Variants in NOL11 observed in about 807,000 individuals in gnomAD.
The protein encoded by NOL11 is nucleolar protein 11.
In NOL11, 42 loss-of-function variants were observed where a neutral mutation model predicts 93.0. The ratio of observed to expected loss-of-function variants is 0.45; its 90% CI spans 0.35 to 0.58. The LOEUF is 0.58. Among genes scored for constraint, NOL11 ranks in the 20% least tolerant of loss-of-function variants. The pLI is 0.00. For missense variants in NOL11, 775 were observed against 841.8 expected (o/e 0.92, Z 0.98); for synonymous variants, 296 against 293.7 (o/e 1.01, Z -0.08).
intron 7 of NOL11, among the ~76,000 whole-genome samples, chr17:67,728,066 CT>C (rs1278547644): frequency 6.6e-6 from 1 of 152,126 alleles, no homozygotes; most frequent in African/African-American, 2.4e-5. Context: ...CAAGACCATC[CT>C]GGCTAACATG....
In NOL11 at chr17:67,737,936, A is replaced by C; in HGVS notation, c.1493A>C (p.Glu498Ala). ...LCLQQFPDIP[E>A]SVTCACLKIF... is the part of the protein sequence containing the mutation. ...CTACAGCAGTTCCCTGACATTCCTG[A>C]ATCAGTCACCTGTGCTTGCTTAAAA... Residue 498 changes from glutamate (E) to alanine (A), a missense_variant, in exon 13 of 18, where the codon GAA becomes GCA. This residue lies in a region of NOL11 where 416 missense variants were observed against 525.2 expected (regional missense o/e 0.79). Transcript: ENST00000253247. 6.2e-7 allele frequency: 1 copy of C among 1,613,288 alleles called. No individual in the cohort carries two copies. Among genetic ancestry groups the C allele is most frequent in the Non-Finnish European group, 8.5e-7 (1 of 1,179,794 alleles).
At chr17:67,721,724 C>T (rs1344445939) in intron 4 of NOL11, among the ~76,000 whole-genome samples, 198 bp downstream of exon 4, 2 of 152,174 alleles carry the variant, frequency 1.3e-5, no homozygotes, top group Non-Finnish European at 2.9e-5. Flanking sequence ...CATATGAAGT[C>T]TTGACAGAAC....
intron 4 of NOL11, among the ~76,000 whole-genome samples, chr17:67,722,193 G>A (rs919454443): frequency 3.3e-5 from 5 of 152,188 alleles, no homozygotes. Context: ...GCCACAAACT[G>A]TGCAGCCAGT....
chr17:67,734,991 TTTGTC>T (rs1274312204), intron 8 of NOL11, among the ~76,000 whole-genome samples: 7 of 152,224 alleles, frequency 4.6e-5, no homozygotes, highest in Non-Finnish European at 8.8e-5. Context: ...GCTCTTTGGT[TTTGTC>T]TTTTTACTTA....
In NOL11 at chr17:67,731,048, C is replaced by T. The variant is rs557225207; in HGVS notation, c.854-3315C>T. Among the ~76,000 whole-genome samples, 29 of 152,280 alleles carry T rather than the reference C, an allele frequency of 1.9e-4. No individual in the cohort carries two copies. The South Asian group carries it at 6.0e-3, about 32-fold the overall frequency. On this transcript the variant is annotated intron_variant, in intron 7 of 17. Coordinates refer to ENST00000253247, the MANE Select transcript of NOL11 (RefSeq NM_015462.5). The stretch of plus-strand genomic sequence containing the variant: ...TGTGTTGAACATTTTTTCATATGCT[C>T]ATTGTCTATTTATATGTCTTCTTTG...
In NOL11 at chr17:67,736,038, C is replaced by G. The variant is rs984992388; in HGVS notation, c.1054+15C>G. The G allele has an allele frequency of 3.1e-6, 5 of 1,599,648 alleles. No individual in the cohort carries two copies. The highest frequency in any genetic ancestry group is 4.3e-6 in the Non-Finnish European group (5 of 1,174,852). ...TCAAGATCCAGGTAGAAACTTACTTCTGTTTGTTTTATTAATACAAACCGT... is the reference window on the plus strand; with the variant it reads ...TCAAGATCCAGGTAGAAACTTACTTGTGTTTGTTTTATTAATACAAACCGT... On this transcript the variant is annotated intron_variant, in intron 9 of 17. Coordinates refer to ENST00000253247, the MANE Select transcript of NOL11 (RefSeq NM_015462.5).
chr17:67,717,960 G>A lies in NOL11; in HGVS notation c.13G>A (p.Glu5Lys), dbSNP rs1174697703. 9 of 1,614,096 alleles carry A rather than the reference G, an allele frequency of 5.6e-6. No individual in the cohort carries two copies. In the East Asian group the frequency reaches 1.3e-4, roughly 24 times the overall value. MAAL[E>K]EEFTLSSVVL... Reference sequence around the variant, plus strand: ...AGGTTTGCTCAAAATGGCAGCGCTGGAGGAAGAATTCACGTTGTCTTCGGT... The same window carrying A: ...AGGTTTGCTCAAAATGGCAGCGCTGAAGGAAGAATTCACGTTGTCTTCGGT... The change falls in exon 1 of 18, where the codon GAG becomes AAG. Residue 5 changes from glutamate (E) to lysine (K), a missense_variant. Transcript: ENST00000253247.
At chr17:67,734,808 T>C (rs2055186763) in intron 8 of NOL11, among the ~76,000 whole-genome samples, 1 of 152,182 alleles carries the variant, frequency 6.6e-6, no homozygotes, top group South Asian at 2.1e-4. Context: ...CATAGTGTGA[T>C]CTCATCTCTG....
chr17:67,733,644 T>G (rs1486280928), intron 7 of NOL11, among the ~76,000 whole-genome samples: 3 of 152,340 alleles, frequency 2.0e-5, no homozygotes, highest in Non-Finnish European at 2.9e-5. Flanking sequence ...CCCTTTATCA[T>G]GTTAAGGAAG....
At chr17:67,718,531 C>T (rs2043193269) in intron 1 of NOL11, among the ~76,000 whole-genome samples, 2 of 152,030 alleles carry the variant, frequency 1.3e-5, no homozygotes, top group Admixed American at 1.3e-4. Context: ...GGGGCGGGGA[C>T]AATTTTAGAG....
At chr17:67,720,880 C>A (rs1210765743) in intron 3 of NOL11, among the ~76,000 whole-genome samples, 1 of 152,158 alleles carries the variant, frequency 6.6e-6, no homozygotes, top group African/African-American at 2.4e-5. Context: ...CTGTGCTGTT[C>A]CCTGGCTCCA....
At chr17:67,729,056 G>A (rs868561846) in intron 7 of NOL11, among the ~76,000 whole-genome samples, 4 of 151,148 alleles carry the variant, frequency 2.6e-5, no homozygotes, top group African/African-American at 9.7e-5. Context: ...AGTCACTGGT[G>A]TTCGTTGTGC....
Position 67,726,768 on chromosome 17 carries a change from A to C in NOL11, c.853+120A>C, listed in dbSNP as rs367844668. 5.5e-6 allele frequency: 4 copies of C among 732,564 alleles called. No individual in the cohort carries two copies. The African/African-American group carries it at 7.4e-5, about 13-fold the overall frequency. 45.4% of individuals were successfully genotyped at this position (732,564 alleles called of 1,614,324 possible). On this transcript the variant is annotated intron_variant, in intron 7 of 17. Transcript: ENST00000253247. ...AGACTAATTCATTCTCTTTATCAGC[A>C]TACTCAATTTTTTTTGTGCCTTCCT...
chr17:67,719,891 A>G lies in NOL11; in HGVS notation c.256-15A>G. ...GAGAATAGGATAGTTTTTAACTAGT[A>G]TGTTTTGATTTAAGGTTTTAAGAAT... is the stretch of plus-strand genomic sequence containing the variant. On this transcript the variant is annotated splice_polypyrimidine_tract_variant and intron_variant, in intron 2 of 17. Coordinates refer to ENST00000253247, the MANE Select transcript of NOL11 (RefSeq NM_015462.5). 6.4e-7 allele frequency: 1 copy of G among 1,554,188 alleles called. No homozygotes were observed. Among genetic ancestry groups the G allele is most frequent in the Non-Finnish European group, 8.8e-7 (1 of 1,139,028 alleles).
At chr17:67,723,370 A>ATTTTTTTTTT (rs568396700) in intron 5 of NOL11, among the ~76,000 whole-genome samples, 5 of 60,774 alleles carry the variant, frequency 8.2e-5, no homozygotes, top group African/African-American at 1.9e-4. Context: ...AAGATCTCTA[A>ATTTTTTTTTT]TTTTTTTTTT....
At chr17:67,722,510 T>G (rs1178823234) in intron 4 of NOL11, 70 bp from the exon 5 acceptor site, 9 of 1,512,846 alleles carry the variant, frequency 5.9e-6, no homozygotes, top group African/African-American at 1.4e-5. Flanking sequence ...TTGATTAAAT[T>G]TTGATTGATA....
In NOL11 at chr17:67,737,078, G is replaced by A. The variant is rs765643177; in HGVS notation, c.1151G>A (p.Arg384Lys). The A allele has an allele frequency of 4.4e-6, 7 of 1,606,114 alleles. No homozygotes were observed. Among genetic ancestry groups the A allele is most frequent in the Non-Finnish European group, 6.0e-6 (7 of 1,173,088 alleles). ...NSEQSRRILR[R>K]RKIEVSLQPE... ...CAATTTACTTAATTCCAGTTAAGGA[G>A]ACGAAAAATTGAAGTGAGTTTACAG... The change falls in exon 11 of 18, where the codon AGA becomes AAA. Residue 384 changes from arginine (R) to lysine (K), a missense_variant. This residue lies in a region of NOL11 where 416 missense variants were observed against 525.2 expected (regional missense o/e 0.79). Coordinates refer to ENST00000253247, the MANE Select transcript of NOL11 (RefSeq NM_015462.5).
At chr17:67,741,517 C>G (rs2055256701) in intron 16 of NOL11, among the ~76,000 whole-genome samples, 2 of 151,802 alleles carry the variant, frequency 1.3e-5, no homozygotes, top group Non-Finnish European at 2.9e-5. Context: ...ACTTACCTAG[C>G]CTAAAAATAA....
At chr17:67,723,914 C>A in intron 5 of NOL11, 135 bp from the exon 6 acceptor site, 1 of 605,360 alleles carries the variant, frequency 1.7e-6, no homozygotes, top group Non-Finnish European at 2.8e-6. Context: ...TCAAAACAAA[C>A]AAATTTGATA....
Sources: gnomAD v4.1 joint callset for allele counts (sites outside exome capture counted in the v4.1 genomes callset) on GRCh38, gnomAD v4.1.1 for gene constraint, gnomAD v4.1.1 regional missense constraint, MANE v1.5 for transcripts, NCBI Gene and HGNC (gene_info 2026-07-23, HGNC 2026-07-21) for gene names.